The following GLOD4 variants were observed in gnomAD, a reference collection of about 807,000 sequenced individuals.
GLOD4 encodes the protein glyoxalase domain-containing protein 4.
A neutral mutation model predicts 39.1 loss-of-function variants in GLOD4; 44 were observed. That is an observed-to-expected ratio of 1.13 (90% CI 0.88 to 1.45). The LOEUF is 1.45. Ranked by LOEUF, GLOD4 falls within the 40% of genes most tolerant of loss-of-function variation. The pLI, the probability that GLOD4 is intolerant of heterozygous loss-of-function variation, is 0.00. For missense variants in GLOD4, 405 were observed against 366.4 expected (o/e 1.11, Z -0.86); for synonymous variants, 145 against 135.0 (o/e 1.07, Z -0.52).
At chr17:770,009 T>C (rs777355323) in intron 7 of GLOD4, 35 bp downstream of exon 7, 1 of 1,547,324 alleles carries the variant, frequency 6.5e-7, no homozygotes, top group Admixed American at 1.7e-5. Context: ...AAGAAACCCC[T>C]GGTCCAGCCT....
intron 4 of GLOD4, among the ~76,000 whole-genome samples, chr17:772,327 TA>T (rs1338165568): frequency 6.6e-6 from 1 of 151,738 alleles, no homozygotes; most frequent in East Asian, 1.9e-4. Context: ...CCTGATGGGT[TA>T]AAAAAATAAG....
upstream of GLOD4, chr17:783,169 C>G (rs376389257): frequency 6.2e-7 from 1 of 1,614,106 alleles, no homozygotes; most frequent in Admixed American, 1.7e-5. Flanking sequence ...ATTTCAGACG[C>G]TCTCAAGGCT....
chr17:778,956 G>A (rs1017919138), intron 1 of GLOD4: 1 of 575,142 alleles, frequency 1.7e-6, no homozygotes. Flanking sequence ...AATCAGTTGT[G>A]AAATCTATTT....
At chr17:770,234 T>A (rs759910427) in intron 6 of GLOD4, 77 bp from the exon 7 acceptor site, 1 of 806,512 alleles carries the variant, frequency 1.2e-6, no homozygotes, top group Non-Finnish European at 2.1e-6. Context: ...CCTAGAGGAG[T>A]ATCAGATACC....
chr17:778,933 G>A, intron 1 of GLOD4, 189 bp from the exon 2 acceptor site: 1 of 576,690 alleles, frequency 1.7e-6, no homozygotes, highest in East Asian at 2.8e-5. Flanking sequence ...TGACACCAAG[G>A]GTCAGGCTAC....
In GLOD4 at chr17:775,849, G is replaced by C. The variant is rs368535297; in HGVS notation, c.332C>G (p.Ala111Gly). 4 of 1,613,468 alleles carry C rather than the reference G, an allele frequency of 2.5e-6. No individual in the cohort carries two copies. The highest frequency in any genetic ancestry group is 3.4e-6 in the Non-Finnish European group (4 of 1,179,366). ...GGCCTCGGTTTCAAAAACACCTTCT[G>C]CAACTTCCGTCAGTGGCCACTCCAG... ...RKLEWPLTEV[A>G]EGVFETEAPG... Residue 111 changes from alanine (A) to glycine (G), a missense_variant, in exon 4 of 9, where the codon GCA becomes GGA. By Grantham distance (60) the Ala-to-Gly change is moderately conservative. Transcript: ENST00000301329.
At chr17:769,178 A>G (rs1166057353) in intron 8 of GLOD4, among the ~76,000 whole-genome samples, 18 of 141,118 alleles carry the variant, frequency 1.3e-4, no homozygotes, top group East Asian at 6.6e-4. Context: ...AGCTGAGGGG[A>G]ACGGATGGAG....
chr17:785,280 A>G (rs753700984), upstream of GLOD4, among the ~76,000 whole-genome samples: 5 of 152,228 alleles, frequency 3.3e-5, no homozygotes, highest in Non-Finnish European at 5.9e-5. Context: ...TCTATACCAC[A>G]GCAATTTCAT....
chr17:783,977 C>G (rs952990770), upstream of GLOD4, among the ~76,000 whole-genome samples: 3 of 152,162 alleles, frequency 2.0e-5, no homozygotes, highest in African/African-American at 7.2e-5. Context: ...TGATAACTGT[C>G]AATAAACTGC....
rs1655888688 is a variant in GLOD4 at position 767,205 on chromosome 17, G to A, written c.831+2664C>T. On this transcript the variant is annotated intron_variant, in intron 8 of 8. Coordinates refer to ENST00000301329, the MANE Select transcript of GLOD4 (RefSeq NM_016080.4). Reference sequence around the variant, plus strand: ...TGTTTAAGGTCAGTCACAGAGTTACGTGACAGAACCAAGAAAGACCAATTT... The same window carrying A: ...TGTTTAAGGTCAGTCACAGAGTTACATGACAGAACCAAGAAAGACCAATTT... 2.6e-5 allele frequency among the ~76,000 whole-genome samples: 4 copies of A among 152,288 alleles called. No homozygotes were observed. In the South Asian group the frequency reaches 8.3e-4, roughly 32 times the overall value.
At chr17:766,135 A>G (rs1240319761) in intron 8 of GLOD4, among the ~76,000 whole-genome samples, 1 of 151,220 alleles carries the variant, frequency 6.6e-6, no homozygotes, top group Non-Finnish European at 1.5e-5. Flanking sequence ...CCATCTCTAG[A>G]AAAAATACAA....
chr17:774,428 T>G (rs1908541819), intron 4 of GLOD4, among the ~76,000 whole-genome samples: 1 of 152,186 alleles, frequency 6.6e-6, no homozygotes, highest in Admixed American at 6.5e-5. Context: ...ATTTTCCCCG[T>G]TTTTGCTTTT....
intron 8 of GLOD4, chr17:764,434 C>A (rs1906088890): frequency 6.6e-6 from 1 of 152,128 alleles, no homozygotes; most frequent in Non-Finnish European, 1.5e-5. Flanking sequence ...AAACGATGGT[C>A]CGATCACTTT....
chr17:771,596 A>G (rs1173171581), intron 4 of GLOD4, 135 bp from the exon 5 acceptor site: 5 of 525,754 alleles, frequency 9.5e-6, no homozygotes, highest in African/African-American at 8.0e-5. Context: ...AGCTGGGTGC[A>G]GCGGCCCATG....
Position 759,987 on chromosome 17 carries a change from A to G in GLOD4, c.*186T>C. 5.1e-6 allele frequency: 3 copies of G among 593,748 alleles called. No individual in the cohort carries two copies. Among genetic ancestry groups the G allele is most frequent in the Non-Finnish European group, 9.0e-6 (3 of 333,040 alleles). The allele number at this position is 593,748 out of a possible 1,614,324, so 36.8% of individuals were successfully genotyped here. A position where few individuals can be genotyped will look rare whatever the true frequency, so the allele number is the denominator to read the frequency against. On this transcript the variant is annotated 3_prime_UTR_variant, in exon 9 of 9. Transcript: ENST00000301329. Reference sequence around the variant, plus strand: ...CAGCAGGCGTTCTCTACCTGGACTCATGATTGGATTTCATTTCTAAATTAC... The same window carrying G: ...CAGCAGGCGTTCTCTACCTGGACTCGTGATTGGATTTCATTTCTAAATTAC...
Position 779,742 on chromosome 17 carries a change from G to C in GLOD4, c.91-998C>G, listed in dbSNP as rs565625623. On this transcript the variant is annotated intron_variant, in intron 1 of 8. Coordinates refer to ENST00000301329, the MANE Select transcript of GLOD4 (RefSeq NM_016080.4). ...AGTCTCCTAACATGTGATGGGAATG[G>C]ATGTTATGAAAGCATCTCACAGAAC... is the stretch of plus-strand genomic sequence containing the variant. Among the ~76,000 whole-genome samples, 96 of 152,318 alleles carry C rather than the reference G, an allele frequency of 6.3e-4. 1 individual carries two copies. The highest frequency in any genetic ancestry group is 2.2e-3 in the African/African-American group (91 of 41,560).
upstream of GLOD4, chr17:782,986 C>T: frequency 2.7e-6 from 4 of 1,491,344 alleles, no homozygotes; most frequent in Non-Finnish European, 2.7e-6. Context: ...CCGCGCCCGG[C>T]CCTCTCCGTA....
chr17:770,184 C>T (rs756748678), intron 6 of GLOD4, 27 bp from the exon 7 acceptor site: 1 of 1,271,838 alleles, frequency 7.9e-7, no homozygotes, highest in Non-Finnish European at 1.1e-6. Flanking sequence ...GCAACGTGAG[C>T]CAGGGGTCAC....
Position 771,459 on chromosome 17 carries a change from G to A in GLOD4, c.409C>T (p.Pro137Ser). ...LQNRSLPQSD[P>S]VLKVTLAVSD... ...ACTGCTAGAGTTACTTTTAATACAG[G>A]ATCTGTTGGGTAATAAAGCAGGAAT... Residue 137 changes from proline (P) to serine (S), a missense_variant and splice_region_variant, in exon 5 of 9, where the codon CCT becomes TCT. Transcript: ENST00000301329. 6.4e-7 allele frequency: 1 copy of A among 1,552,466 alleles called. No individual in the cohort carries two copies. The highest frequency in any genetic ancestry group is 8.8e-7 in the Non-Finnish European group (1 of 1,139,272).
Sources: allele counts gnomAD v4.1 joint callset (sites outside exome capture counted in the v4.1 genomes callset), GRCh38; gene constraint gnomAD v4.1.1; transcripts MANE v1.5; gene names NCBI Gene and HGNC (gene_info 2026-07-23, HGNC 2026-07-21).